The following CNTN1 variants were observed in gnomAD, a reference collection of about 807,000 sequenced individuals.
The protein encoded by CNTN1 is contactin 1.
A neutral mutation model predicts 126.4 loss-of-function variants in CNTN1; 38 were observed. The observed-to-expected ratio is 0.30, with a 90% CI of 0.23 to 0.39. The LOEUF (loss-of-function observed/expected upper bound fraction) is 0.39, where lower values mean the gene tolerates loss of function less well. CNTN1 is among the 10% of genes least tolerant of loss of function. The probability of loss-of-function intolerance (pLI) is 1.00; values close to 1 mark genes in which losing one functional copy is unlikely to be tolerated. For missense variants in CNTN1, 1,009 were observed against 1,248.4 expected (o/e 0.81, Z 2.89); for synonymous variants, 413 against 422.6 (o/e 0.98, Z 0.28).
chr12:40,809,740 C>A (rs189491941), intron 1 of CNTN1, among the ~76,000 whole-genome samples: 2 of 151,548 alleles, frequency 1.3e-5, no homozygotes, highest in Non-Finnish European at 2.9e-5. Context: ...TGCTTGAACC[C>A]GGGGGGCAGA....
intron 23 of CNTN1, among the ~76,000 whole-genome samples, chr12:41,039,661 T>C (rs997356692): frequency 2.0e-5 from 3 of 151,996 alleles, no homozygotes; most frequent in African/African-American, 4.8e-5. Flanking sequence ...GACATAAACT[T>C]GTCAGAGAAC....
chr12:40,702,480 T>C (rs1187904769), intron 1 of CNTN1, among the ~76,000 whole-genome samples: 1 of 152,228 alleles, frequency 6.6e-6, no homozygotes, highest in Non-Finnish European at 1.5e-5. Context: ...GTTTCGCTCT[T>C]GTTGCCCAGG....
At chr12:40,866,358 G>A (rs956056399) in intron 1 of CNTN1, among the ~76,000 whole-genome samples, 1 of 152,082 alleles carries the variant, frequency 6.6e-6, no homozygotes, top group African/African-American at 2.4e-5. Context: ...TTCAGTAGAA[G>A]TGGTGAAAGA....
chr12:40,782,202 A>C (rs1482326850), intron 1 of CNTN1, among the ~76,000 whole-genome samples: 1 of 151,976 alleles, frequency 6.6e-6, no homozygotes, highest in South Asian at 2.1e-4. Flanking sequence ...CAGTGATATT[A>C]AAGTATTATA....
At chr12:40,841,283 G>A (rs145246580) in intron 1 of CNTN1, among the ~76,000 whole-genome samples, 9 of 152,076 alleles carry the variant, frequency 5.9e-5, no homozygotes, top group African/African-American at 2.2e-4. Context: ...GAGTGAATCA[G>A]TAATAAAAAG....
At chr12:41,011,917 A>AG (rs1428146901) in intron 17 of CNTN1, among the ~76,000 whole-genome samples, 1 of 152,158 alleles carries the variant, frequency 6.6e-6, no homozygotes, top group African/African-American at 2.4e-5. Flanking sequence ...CCAAATGGCC[A>AG]TTTTCCTGAA....
At chr12:40,811,783 C>T (rs1345288506) in intron 1 of CNTN1, among the ~76,000 whole-genome samples, 2 of 149,554 alleles carry the variant, frequency 1.3e-5, no homozygotes, top group Admixed American at 1.3e-4. Flanking sequence ...AGTCTTTTCT[C>T]CTTTTTCCTT....
chr12:40,967,967 CAT>C (rs1947367273), intron 15 of CNTN1, among the ~76,000 whole-genome samples: 1 of 149,696 alleles, frequency 6.7e-6, no homozygotes, highest in African/African-American at 2.5e-5. Flanking sequence ...TGTCATATAA[CAT>C]GTATTGATTA....
chr12:40,850,726 G>C (rs1222680506), intron 1 of CNTN1, among the ~76,000 whole-genome samples: 1 of 152,108 alleles, frequency 6.6e-6, no homozygotes, highest in Non-Finnish European at 1.5e-5. Flanking sequence ...TGAGATTATG[G>C]TTGGTGTAGA....
At position 40,712,997 on chromosome 12, in the gene CNTN1, T is replaced by C. The variant is rs1265614494; in HGVS notation, c.-77+20405T>C. ...TTAAAAAAAAGTCTGGCACTTCCCT[T>C]AGCACTCTTGCTTGTATTGCTATAA... On this transcript the variant is annotated intron_variant, in intron 1 of 23. Coordinates refer to ENST00000551295, the MANE Select transcript of CNTN1 (RefSeq NM_001843.4). 3.3e-5 allele frequency among the ~76,000 whole-genome samples: 5 copies of C among 152,172 alleles called. No individual in the cohort carries two copies. In the East Asian group the frequency reaches 9.7e-4, roughly 29 times the overall value.
At chr12:40,833,335 A>T (rs910743497) in intron 1 of CNTN1, among the ~76,000 whole-genome samples, 1 of 152,134 alleles carries the variant, frequency 6.6e-6, no homozygotes, top group Non-Finnish European at 1.5e-5. Flanking sequence ...GCCTCAGATG[A>T]TCTGCCCACC....
chr12:41,013,347 T>C (rs993576625), intron 17 of CNTN1, among the ~76,000 whole-genome samples: 2 of 152,132 alleles, frequency 1.3e-5, no homozygotes, highest in Non-Finnish European at 2.9e-5. Context: ...CCAGCTTGCT[T>C]GTTTATGTCT....
At chr12:40,747,907 G>T (rs1038188462) in intron 1 of CNTN1, among the ~76,000 whole-genome samples, 1 of 152,184 alleles carries the variant, frequency 6.6e-6, no homozygotes. Flanking sequence ...AGTAGTCTGA[G>T]TTGAGTGAAA....
At chr12:41,060,401 T>G (rs1285670784) in intron 23 of CNTN1, among the ~76,000 whole-genome samples, 2 of 152,216 alleles carry the variant, frequency 1.3e-5, no homozygotes, top group Non-Finnish European at 2.9e-5. Context: ...TTTTCAAACT[T>G]TCTCTCTGGT....
At chr12:40,913,065 T>C (rs1411706035) in intron 3 of CNTN1, among the ~76,000 whole-genome samples, 1 of 152,186 alleles carries the variant, frequency 6.6e-6, no homozygotes, top group Non-Finnish European at 1.5e-5. Flanking sequence ...TGTGACAGGC[T>C]CCCCTTGGGC....
chr12:41,006,274 G>A (rs971422374), intron 17 of CNTN1, among the ~76,000 whole-genome samples: 1 of 152,146 alleles, frequency 6.6e-6, no homozygotes, highest in Admixed American at 6.5e-5. Flanking sequence ...TCAAGGTTTG[G>A]AATCCACTGC....
chr12:41,050,626 T>C (rs908757877), intron 23 of CNTN1, among the ~76,000 whole-genome samples: 1 of 152,212 alleles, frequency 6.6e-6, no homozygotes, highest in Non-Finnish European at 1.5e-5. Context: ...GCCAAACCAT[T>C]ATCATATGCC....
rs34346038 is a variant in CNTN1, at chr12:41,025,296, A to T, written c.2670A>T (p.Gly890=). The stretch of plus-strand genomic sequence containing the variant: ...GGGCCTGCAATAGTGCAGGGTGTGG[A>T]CCTCCAAGTGACATGATTGAGGCTT... ...EVGACNSAGC[G]PPSDMIEAFT... is the part of the protein sequence containing the mutation. The change falls in exon 21 of 24, where the codon GGA becomes GGT. Residue 890 remains glycine, a synonymous_variant. Coordinates refer to ENST00000551295, the MANE Select transcript of CNTN1 (RefSeq NM_001843.4). 2,668 of 1,613,580 alleles carry T rather than the reference A, an allele frequency of 1.7e-3. 38 individuals are homozygous for T. The African/African-American group carries it at 0.031, about 19-fold the overall frequency.
intron 20 of CNTN1, among the ~76,000 whole-genome samples, chr12:41,023,668 T>A (rs1229099730): frequency 2.6e-5 from 4 of 152,222 alleles, no homozygotes; most frequent in African/African-American, 9.6e-5. Context: ...GATGACTGAT[T>A]TCAGTCATCA....
Sources: allele counts gnomAD v4.1 joint callset (sites outside exome capture counted in the v4.1 genomes callset), GRCh38; gene constraint gnomAD v4.1.1; transcripts MANE v1.5; gene names NCBI Gene and HGNC (gene_info 2026-07-23, HGNC 2026-07-21).